The following CADM2 variants were observed in gnomAD, a reference collection of about 807,000 sequenced individuals.
The protein encoded by CADM2 is cell adhesion molecule 2, also known as immunoglobulin superfamily member 4D.
In CADM2, 12 loss-of-function variants were observed where a neutral mutation model predicts 49.8. That is an observed-to-expected ratio of 0.24 (90% confidence interval 0.15 to 0.39). The LOEUF is 0.39. CADM2 is among the 10% of genes least tolerant of loss of function. The pLI is 1.00. For missense variants in CADM2, 378 were observed against 492.3 expected (o/e 0.77, Z 2.20); for synonymous variants, 214 against 175.4 (o/e 1.22, Z -1.74).
At chr3:85,364,053 G>A (rs1184409103) in intron 1 of CADM2, among the ~76,000 whole-genome samples, 2 of 152,032 alleles carry the variant, frequency 1.3e-5, no homozygotes, top group East Asian at 1.9e-4. Context: ...AACTGTTTTG[G>A]GGCCTAGCTA....
rs377755129 is a variant in CADM2, at chr3:85,271,312, G to C, written c.61+311644G>C. On this transcript the variant is annotated intron_variant, in intron 1 of 9. Transcript: ENST00000383699. ...TTGCAGAAATAAATATGAGTTTACT[G>C]TACTCATCAAGGACAAAGTAAATTT... Among the ~76,000 whole-genome samples, 272 of 151,352 alleles carry C rather than the reference G, an allele frequency of 1.8e-3. 1 individual carries two copies. The highest frequency in any genetic ancestry group is 6.3e-3 in the African/African-American group (261 of 41,412).
At chr3:85,099,409 A>G (rs988266845) in intron 1 of CADM2, among the ~76,000 whole-genome samples, 6 of 152,108 alleles carry the variant, frequency 3.9e-5, no homozygotes, top group Non-Finnish European at 8.8e-5. Context: ...AACATATGAG[A>G]CACTTACTTA....
intron 3 of CADM2, among the ~76,000 whole-genome samples, chr3:85,879,297 T>G (rs949067281): frequency 6.6e-6 from 1 of 152,046 alleles, no homozygotes; most frequent in Admixed American, 6.6e-5. Flanking sequence ...AGCACAGACC[T>G]GCTTTATTTT....
chr3:85,089,418 C>G (rs190724417), intron 1 of CADM2, among the ~76,000 whole-genome samples: 1 of 152,172 alleles, frequency 6.6e-6, no homozygotes, highest in Non-Finnish European at 1.5e-5. Context: ...ATGCCTCATT[C>G]CCCACATCCA....
intron 3 of CADM2, among the ~76,000 whole-genome samples, chr3:85,824,311 A>G (rs571523213): frequency 5.3e-5 from 8 of 152,266 alleles, no homozygotes; most frequent in East Asian, 1.9e-4. Flanking sequence ...TTGCTTATCC[A>G]TGGTTTAGAG....
chr3:85,999,386 C>T (rs1729862380), intron 8 of CADM2, among the ~76,000 whole-genome samples: 1 of 151,652 alleles, frequency 6.6e-6, no homozygotes, highest in Non-Finnish European at 1.5e-5. Context: ...GCACCTGTAG[C>T]CCCAGCTACT....
intron 1 of CADM2, among the ~76,000 whole-genome samples, chr3:85,314,930 C>A (rs2107070169): frequency 6.6e-6 from 1 of 152,252 alleles, no homozygotes; most frequent in African/African-American, 2.4e-5. Context: ...GCTGTTCTAA[C>A]AATTACCATA....
At chr3:85,059,708 G>C (rs1417466416) in intron 1 of CADM2, among the ~76,000 whole-genome samples, 1 of 151,992 alleles carries the variant, frequency 6.6e-6, no homozygotes, top group Non-Finnish European at 1.5e-5. Context: ...GAGTTTCCCT[G>C]CACAAGGTCT....
intron 1 of CADM2, among the ~76,000 whole-genome samples, chr3:85,053,421 A>C (rs1201229938): frequency 6.6e-6 from 1 of 151,986 alleles, no homozygotes; most frequent in Admixed American, 6.6e-5. Flanking sequence ...ATTTGAAGGA[A>C]ATAAAACATG....
intron 1 of CADM2, among the ~76,000 whole-genome samples, chr3:85,401,917 A>G (rs999815617): frequency 8.5e-5 from 13 of 152,156 alleles, no homozygotes; most frequent in Non-Finnish European, 1.8e-4. Context: ...TATTTAAGAG[A>G]TATTTGGATT....
intron 1 of CADM2, among the ~76,000 whole-genome samples, chr3:85,493,751 C>T (rs2039772507): frequency 6.6e-6 from 1 of 152,132 alleles, no homozygotes. Flanking sequence ...TATTGAGTTG[C>T]TGGTGTGACT....
chr3:85,967,578 T>C (rs546517929), intron 8 of CADM2, among the ~76,000 whole-genome samples: 26 of 151,590 alleles, frequency 1.7e-4, no homozygotes, highest in Non-Finnish European at 2.4e-4. Flanking sequence ...GAGAGATATA[T>C]CTCTCATGTA....
At chr3:85,833,181 G>A (rs193130115) in intron 3 of CADM2, among the ~76,000 whole-genome samples, 3 of 151,944 alleles carry the variant, frequency 2.0e-5, no homozygotes, top group East Asian at 3.9e-4. Context: ...TAATCGTGGC[G>A]AATTAGCTTT....
intron 2 of CADM2, among the ~76,000 whole-genome samples, chr3:85,772,008 CTT>C (rs397938377): frequency 0.038 from 4,287 of 112,204 alleles, 72 homozygotes; most frequent in East Asian, 0.057. Flanking sequence ...TTCTTTCTTT[CTT>C]TTTTTTTTTT....
At chr3:85,212,868 TTCTTTCTTTCTTTCTTTC>T (rs1396141863) in intron 1 of CADM2, among the ~76,000 whole-genome samples, 6 of 97,912 alleles carry the variant, frequency 6.1e-5, no homozygotes, top group African/African-American at 2.2e-4. Context: ...CTTTCTTTCT[TTCTTTCTTTCTTTCTTTC>T]TCTTTCTTTC....
intron 2 of CADM2, among the ~76,000 whole-genome samples, chr3:85,736,682 C>A (rs1412064182): frequency 6.6e-6 from 1 of 150,748 alleles, no homozygotes; most frequent in Non-Finnish European, 1.5e-5. Flanking sequence ...TTTTCTTATT[C>A]TAAGAACAAT....
intron 8 of CADM2, among the ~76,000 whole-genome samples, chr3:85,995,172 C>T (rs1216660618): frequency 1.3e-5 from 2 of 152,094 alleles, no homozygotes; most frequent in African/African-American, 4.8e-5. Context: ...AGTACTTTGC[C>T]TCTTTACTTA....
At chr3:85,250,314 A>C (rs1455346924) in intron 1 of CADM2, among the ~76,000 whole-genome samples, 1 of 151,724 alleles carries the variant, frequency 6.6e-6, no homozygotes, top group Non-Finnish European at 1.5e-5. Context: ...ATTGCAAAAA[A>C]ACTATCTTAC....
At chr3:85,547,382 AT>A (rs2107089956) in intron 1 of CADM2, among the ~76,000 whole-genome samples, 1 of 152,356 alleles carries the variant, frequency 6.6e-6, no homozygotes, top group African/African-American at 2.4e-5. Flanking sequence ...AATTATCCAA[AT>A]AATTAAATCA....
Sources: gnomAD v4.1 joint callset for allele counts (sites outside exome capture counted in the v4.1 genomes callset) on GRCh38, gnomAD v4.1.1 for gene constraint, MANE v1.5 for transcripts, NCBI Gene and HGNC (gene_info 2026-07-23, HGNC 2026-07-21) for gene names.